Variants in SPATA13 observed in about 807,000 individuals in gnomAD.
SPATA13 encodes the protein spermatogenesis associated 13.
SPATA13 carries 50 observed loss-of-function variants against 104.0 expected under a neutral mutation model. The ratio of observed to expected loss-of-function variants is 0.48; its 90% CI spans 0.38 to 0.61. The LOEUF (loss-of-function observed/expected upper bound fraction) is 0.61, where lower values mean the gene tolerates loss of function less well. Among genes scored for constraint, SPATA13 ranks in the 20% least tolerant of loss-of-function variants. The pLI, the probability that SPATA13 is intolerant of heterozygous loss-of-function variation, is 0.00. For missense variants in SPATA13, 1,524 were observed against 1,690.6 expected, an observed-to-expected ratio of 0.90 and a Z score of 1.73; for synonymous variants, 606 against 667.5, an observed-to-expected ratio of 0.91 and a Z score of 1.42.
At chr13:24,130,145 T>G (rs1484598105) in intron 3 of SPATA13, among the ~76,000 whole-genome samples, 1 of 152,228 alleles carries the variant, frequency 6.6e-6, no homozygotes, top group Non-Finnish European at 1.5e-5. Context: ...GAGGCAGGTT[T>G]GCACCCTGCC....
At chr13:24,072,823 TC>T (rs1879211280) in intron 3 of SPATA13, among the ~76,000 whole-genome samples, 1 of 91,358 alleles carries the variant, frequency 1.1e-5, no homozygotes, top group Admixed American at 1.6e-4. Flanking sequence ...TACTGTTGGC[TC>T]CTTTTTTTTT....
At chr13:24,003,665 A>AT (rs1876085355) in intron 2 of SPATA13, among the ~76,000 whole-genome samples, 1 of 152,242 alleles carries the variant, frequency 6.6e-6, no homozygotes, top group Non-Finnish European at 1.5e-5. Context: ...ATTTCAAGCA[A>AT]TTTTAGATTG....
At chr13:24,221,010 G>C (rs1404796309) in intron 1 of SPATA13, among the ~76,000 whole-genome samples, 1 of 152,200 alleles carries the variant, frequency 6.6e-6, no homozygotes, top group Non-Finnish European at 1.5e-5. Context: ...GGCCTCTGTG[G>C]CCTTGGAGGT....
At chr13:24,171,096 G>T (rs908079859) in intron 1 of SPATA13, among the ~76,000 whole-genome samples, 2 of 151,950 alleles carry the variant, frequency 1.3e-5, no homozygotes, top group Non-Finnish European at 2.9e-5. Flanking sequence ...TGGAATTTTA[G>T]TTGGAAATAC....
chr13:24,053,881 T>G (rs1878449381), intron 3 of SPATA13, among the ~76,000 whole-genome samples: 1 of 152,202 alleles, frequency 6.6e-6, no homozygotes, highest in Non-Finnish European at 1.5e-5. Context: ...AAGTAGGAAT[T>G]CACAAGGGAT....
At chr13:24,213,391 C>T (rs984597024) in intron 1 of SPATA13, among the ~76,000 whole-genome samples, 5 of 152,196 alleles carry the variant, frequency 3.3e-5, no homozygotes, top group East Asian at 1.9e-4. Context: ...CTCAGCCTCA[C>T]GAGTAGCTGG....
At chr13:24,113,946 C>T (rs759489535) in intron 3 of SPATA13, among the ~76,000 whole-genome samples, 1 of 148,776 alleles carries the variant, frequency 6.7e-6, no homozygotes, top group Non-Finnish European at 1.5e-5. Flanking sequence ...GGATGTGTTA[C>T]AAGTTTGCAG....
At chr13:24,216,563 C>A (rs1871269602) in intron 1 of SPATA13, among the ~76,000 whole-genome samples, 1 of 152,196 alleles carries the variant, frequency 6.6e-6, no homozygotes, top group Non-Finnish European at 1.5e-5. Flanking sequence ...GCTACAGATG[C>A]TCTTTTGAAG....
At chr13:24,093,811 A>G (rs945449718) in intron 3 of SPATA13, among the ~76,000 whole-genome samples, 40 of 152,216 alleles carry the variant, frequency 2.6e-4, no homozygotes, top group African/African-American at 8.7e-4. Flanking sequence ...TAATACTTAG[A>G]GGACTGTGTG....
At chr13:24,190,274 T>TA (rs1566141561) in intron 1 of SPATA13, among the ~76,000 whole-genome samples, 1 of 17,320 alleles carries the variant, frequency 5.8e-5, no homozygotes, top group African/African-American at 7.8e-5. Context: ...ATATATATTA[T>TA]TATATATAAT....
intron 2 of SPATA13, among the ~76,000 whole-genome samples, chr13:24,238,865 A>G (rs990315887): frequency 5.3e-5 from 8 of 152,220 alleles, no homozygotes; most frequent in Admixed American, 2.0e-4. Context: ...GCAGCAGAAC[A>G]CATTAGATTC....
intron 9 of SPATA13, 138 bp downstream of exon 9, chr13:24,291,022 T>C (rs1242783166): frequency 1.5e-6 from 1 of 670,302 alleles, no homozygotes; most frequent in African/African-American, 1.8e-5. Flanking sequence ...AGTTTTCAGG[T>C]TGTTTAGAAT....
chr13:24,123,052 G>T, intron 3 of SPATA13: 1 of 957,472 alleles, frequency 1.0e-6, no homozygotes, highest in Middle Eastern at 3.0e-4. Flanking sequence ...ATTGCCAAAT[G>T]TTGTGTCATT....
intron 2 of SPATA13, among the ~76,000 whole-genome samples, chr13:24,000,410 G>A (rs1299591441): frequency 1.3e-5 from 2 of 152,170 alleles, no homozygotes; most frequent in Non-Finnish European, 2.9e-5. Flanking sequence ...AGTGCTGGGC[G>A]GTGAGGTGTC....
At chr13:24,276,180 C>T (rs1874970623) in intron 4 of SPATA13, among the ~76,000 whole-genome samples, 1 of 152,036 alleles carries the variant, frequency 6.6e-6, no homozygotes, top group African/African-American at 2.4e-5. Context: ...TCACAATAGC[C>T]AAGTAGTAAA....
At chr13:24,174,890 C>T (rs1883153220) in intron 1 of SPATA13, among the ~76,000 whole-genome samples, 2 of 152,220 alleles carry the variant, frequency 1.3e-5, no homozygotes, top group African/African-American at 2.4e-5. Flanking sequence ...AAAAGTTTCC[C>T]TTTAGAGTTC....
chr13:23,983,163 G>T (rs1402335707), intron 1 of SPATA13, among the ~76,000 whole-genome samples: 1 of 152,192 alleles, frequency 6.6e-6, no homozygotes. Context: ...CAGCCTGGGG[G>T]CTTAAGTGAC....
In SPATA13 at chr13:24,139,903, TA is replaced by T. The variant is rs1223323772; in HGVS notation, c.-111-82910del. On this transcript the variant is annotated intron_variant, in intron 3 of 14. Transcript: ENST00000424834. The stretch of plus-strand genomic sequence containing the variant: ...TAACATGGTGAAACCCTGTCTCTAC[TA>T]AAAAATTCAAAACATTAGCTGGACG... 1.4e-4 allele frequency among the ~76,000 whole-genome samples: 22 copies of T among 152,156 alleles called. 1 individual carries two copies. Among genetic ancestry groups the T allele is most frequent in the Admixed American group, 3.9e-4 (6 of 15,292 alleles).
chr13:24,000,598 G>T (rs1315956448), intron 2 of SPATA13, among the ~76,000 whole-genome samples: 1 of 152,224 alleles, frequency 6.6e-6, no homozygotes, highest in East Asian at 1.9e-4. Context: ...CTATGAAGTG[G>T]TGGAGAAGAC....
Sources: gnomAD v4.1 joint callset for allele counts (sites outside exome capture counted in the v4.1 genomes callset) on GRCh38, gnomAD v4.1.1 for gene constraint, MANE v1.5 for transcripts, NCBI Gene and HGNC (gene_info 2026-07-23, HGNC 2026-07-21) for gene names.